NCOR2: variants seen among roughly 807,000 people sequenced by gnomAD.
NCOR2 encodes nuclear receptor corepressor 2.
NCOR2 carries 81 observed loss-of-function variants against 262.9 expected under a neutral mutation model. The observed-to-expected ratio is 0.31, with a 90% confidence interval of 0.26 to 0.37. NCOR2 has a LOEUF of 0.37. NCOR2 is among the 10% of genes least tolerant of loss of function. The pLI, the probability that NCOR2 is intolerant of heterozygous loss-of-function variation, is 1.00. For missense variants in NCOR2, 3,385 were observed against 3,621.4 expected (o/e 0.93, Z 1.68); for synonymous variants, 1,659 against 1,559.3 (o/e 1.06, Z -1.51).
exon 15 of NCOR2, chr12:124,400,625 A>G (rs2136195900): frequency 6.2e-7 from 1 of 1,614,162 alleles, no homozygotes; most frequent in Non-Finnish European, 8.5e-7. Context: ...TGGAGGCCAC[A>G]GCCTCCTTCT....
At chr12:124,447,667 C>G (rs569590242) in intron 7 of NCOR2, among the ~76,000 whole-genome samples, 1 of 151,442 alleles carries the variant, frequency 6.6e-6, no homozygotes, top group African/African-American at 2.4e-5. Flanking sequence ...ACTTTAGATT[C>G]GCTGGTATTT....
chr12:124,495,947 G>T (rs956282559), upstream of NCOR2, among the ~76,000 whole-genome samples: 2 of 152,098 alleles, frequency 1.3e-5, no homozygotes, highest in Non-Finnish European at 2.9e-5. The surrounding 1 kb of genome is among the most constrained non-coding windows in gnomAD (Gnocchi z 4.4). Flanking sequence ...CAAACTAGGA[G>T]GTGGGATTAG....
intron 20 of NCOR2, among the ~76,000 whole-genome samples, chr12:124,366,118 T>TA (rs1421712873): frequency 6.6e-6 from 1 of 152,098 alleles, no homozygotes; most frequent in Non-Finnish European, 1.5e-5. Context: ...AGCAAATGTC[T>TA]ATGCAGAAAC....
intron 34 of NCOR2, 119 bp from the exon 37 acceptor site, chr12:124,340,870 G>T: frequency 2.0e-6 from 2 of 1,006,694 alleles, no homozygotes; most frequent in Non-Finnish European, 2.6e-6. Context: ...CAGAGCTGGT[G>T]GCAGGCACTC....
intron 42 of NCOR2, 141 bp downstream of exon 44, chr12:124,332,989 A>AT: frequency 8.5e-7 from 1 of 1,175,000 alleles, no homozygotes; most frequent in Non-Finnish European, 1.2e-6. Flanking sequence ...AGTTGGTGAA[A>AT]CCTGCTTGGC....
intron 1 of NCOR2, among the ~76,000 whole-genome samples, chr12:124,501,076 A>ACG (rs1420439301): frequency 2.8e-5 from 4 of 142,844 alleles, no homozygotes; most frequent in Non-Finnish European, 6.3e-5. Flanking sequence ...ACACACACAC[A>ACG]CACACACACA....
intron 31 of NCOR2, among the ~76,000 whole-genome samples, chr12:124,345,378 G>A (rs919786133): frequency 7.9e-5 from 12 of 152,040 alleles, no homozygotes; most frequent in African/African-American, 1.2e-4. Flanking sequence ...AATACTACCC[G>A]CCCTGAGGCT....
At chr12:124,511,287 C>T (rs1319268095) in intron 1 of NCOR2, among the ~76,000 whole-genome samples, 1 of 152,226 alleles carries the variant, frequency 6.6e-6, no homozygotes, top group Non-Finnish European at 1.5e-5. Flanking sequence ...TCCAGGTCTC[C>T]AAGTGGCCGA....
rs79399955 is a variant in NCOR2, at chr12:124,381,329, A to T, written c.2020-2945T>A. On this transcript the variant is annotated intron_variant, in intron 17 of 46. Coordinates refer to ENST00000405201, the Ensembl canonical transcript of NCOR2. ...CCTCACCTCCTTCGGGCCTTAGCTC[A>T]GACATCAGAGAGGTCTTCCCTGATC... Among the ~76,000 whole-genome samples, 1,473 of 152,322 alleles carry T rather than the reference A, an allele frequency of 9.7e-3. 31 individuals are homozygous for T. The highest frequency in any genetic ancestry group is 0.033 in the African/African-American group (1,390 of 41,558).
At chr12:124,490,968 G>A (rs2048052605) in intron 1 of NCOR2, among the ~76,000 whole-genome samples, 1 of 152,230 alleles carries the variant, frequency 6.6e-6, no homozygotes, top group African/African-American at 2.4e-5. Flanking sequence ...AAACAGACCG[G>A]TCCTTCCCAT....
In NCOR2 at chr12:124,388,954, A is replaced by C. The variant is rs1288609578; in HGVS notation, c.1877-3067T>G. The C allele has an allele frequency of 7.3e-6, 5 of 685,430 alleles. No individual in the cohort carries two copies. In the Admixed American group the frequency reaches 2.0e-4, roughly 27 times the overall value. The allele number at this position is 685,430 out of a possible 1,614,324, so 42.5% of individuals were successfully genotyped here. Reference sequence around the variant, plus strand: ...GGCTCGAGAGGGGCGGGCGGGAGGCAGCTCCTCACAAGTCCGCCTGCCTGT... The same window carrying C: ...GGCTCGAGAGGGGCGGGCGGGAGGCCGCTCCTCACAAGTCCGCCTGCCTGT... On this transcript the variant is annotated intron_variant, in intron 16 of 46. Transcript: ENST00000405201.
At position 124,457,143 on chromosome 12, in the gene NCOR2, T is replaced by C. The variant is rs768701590; in HGVS notation, c.725A>G (p.His242Arg). ...GGGCCCCAGGCCTTCCAGAATCCGA[T>C]GTGCAGCTTCAGCCTTCTTCTGCAG... The change falls in exon 6 of 47, where the codon CAT (histidine) becomes CGT (arginine). Residue 242 changes from histidine to arginine, a missense_variant. Around this residue, in one of 5 missense-constraint regions of NCOR2, gnomAD observed 515 missense variants for 781.2 expected, o/e 0.66. Coordinates refer to ENST00000405201, the Ensembl canonical transcript of NCOR2. This position sits in a 1 kb window ranked among gnomAD's most constrained non-coding sequence, Gnocchi z 4.0. 5 of 1,490,704 alleles carry C rather than the reference T, an allele frequency of 3.4e-6. No homozygotes were observed. Among genetic ancestry groups the C allele is most frequent in the Admixed American group, 2.6e-5 (1 of 37,836 alleles). 92.3% of individuals were successfully genotyped at this position (1,490,704 alleles called of 1,614,324 possible). A position where few individuals can be genotyped will look rare whatever the true frequency, so the allele number is the denominator to read the frequency against.
chr12:124,376,012 C>T (rs1436043372), intron 18 of NCOR2, among the ~76,000 whole-genome samples: 2 of 152,206 alleles, frequency 1.3e-5, no homozygotes, highest in Admixed American at 6.5e-5. Flanking sequence ...ACGCAGCGTG[C>T]GCTGGCTGGG....
rs371829809 is a variant in NCOR2 at position 124,354,078 on chromosome 12, C to A, written c.3693+15G>T. On this transcript the variant is annotated intron_variant, in intron 27 of 46. Transcript: ENST00000405201. ...GGTCCCAACCGTCCTTCCTGCCGCACCCCAGGACACCTACGTGGGTGATGG... is the reference window on the plus strand; with the variant it reads ...GGTCCCAACCGTCCTTCCTGCCGCAACCCAGGACACCTACGTGGGTGATGG... The A allele has an allele frequency of 2.5e-6, 4 of 1,603,986 alleles. No homozygotes were observed. Among genetic ancestry groups the A allele is most frequent in the Non-Finnish European group, 1.7e-6 (2 of 1,177,420 alleles).
At chr12:124,333,904 A>ATG (rs1491158125) in intron 41 of NCOR2, among the ~76,000 whole-genome samples, 1 of 50,182 alleles carries the variant, frequency 2.0e-5, no homozygotes, top group African/African-American at 6.6e-5. Context: ...GTGCGCGCGC[A>ATG]TGTGTGCGGG....
Position 124,486,276 on chromosome 12 carries a change from C to T in NCOR2, c.233+165G>A, listed in dbSNP as rs774225100. On this transcript the variant is annotated intron_variant, in intron 2 of 46. Transcript: ENST00000405201. ...CGTGGCTCTTCCCTGCTCGTCCCAT[C>T]CTCACCCCGAGTCACGCCCACGCCA... The T allele has an allele frequency of 9.9e-6, 11 of 1,111,812 alleles. No homozygotes were observed. The Admixed American group carries it at 1.8e-4, about 19-fold the overall frequency. 68.9% of individuals were successfully genotyped at this position (1,111,812 alleles called of 1,614,324 possible).
exon 35 of NCOR2, chr12:124,340,750 G>A (rs1593126840): frequency 1.3e-6 from 2 of 1,537,398 alleles, no homozygotes; most frequent in Non-Finnish European, 1.7e-6. Flanking sequence ...GGTCGATGAT[G>A]CCTGCGGGAG....
intron 11 of NCOR2, among the ~76,000 whole-genome samples, chr12:124,422,995 C>G (rs1015016346): frequency 6.6e-6 from 1 of 152,206 alleles, no homozygotes; most frequent in Non-Finnish European, 1.5e-5. Context: ...CATAGCTCAC[C>G]AGGCTGCTGG....
intron 1 of NCOR2, 50 bp from the exon 4 acceptor site, chr12:124,486,618 C>A (rs1470413609): frequency 6.6e-7 from 1 of 1,524,904 alleles, no homozygotes; most frequent in Non-Finnish European, 8.8e-7. Context: ...ACGGGCATGG[C>A]GGGGCACGGC....
Sources: allele counts gnomAD v4.1 joint callset (sites outside exome capture counted in the v4.1 genomes callset), GRCh38; gene constraint gnomAD v4.1.1; regional missense constraint gnomAD v4.1.1; non-coding constraint Gnocchi (gnomAD v3.1); transcripts MANE v1.5; gene names NCBI Gene and HGNC (gene_info 2026-07-23, HGNC 2026-07-21).